The following MRTFA variants were observed in gnomAD, a reference collection of about 807,000 sequenced individuals.
MRTFA encodes myocardin related transcription factor A.
A neutral mutation model predicts 83.5 loss-of-function variants in MRTFA; 20 were observed. The observed-to-expected ratio is 0.24, with a 90% CI of 0.17 to 0.35. The LOEUF (loss-of-function observed/expected upper bound fraction) is 0.35, where lower values mean the gene tolerates loss of function less well. Among genes scored for constraint, MRTFA ranks in the 10% least tolerant of loss-of-function variants. MRTFA has a pLI of 1.00. For synonymous variants in MRTFA, 659 were observed against 541.2 expected, an observed-to-expected ratio of 1.22 and a Z score of -3.02; for missense variants, 1,200 against 1,224.7, an observed-to-expected ratio of 0.98 and a Z score of 0.30.
At position 40,489,971 on chromosome 22, in the gene MRTFA, C is replaced by CAA. The variant is rs55808950; in HGVS notation, c.242-26687_242-26686dup. On this transcript the variant is annotated intron_variant, in intron 3 of 14. Coordinates refer to ENST00000355630, the MANE Select transcript of MRTFA (RefSeq NM_020831.6). ...TGGGAGACAAAGCATGACTCTGTCG[C>CAA]AAAAAAAAAAAAAAAAATCAGAAAA... Among the ~76,000 whole-genome samples, 15 of 105,872 alleles carry CAA rather than the reference C, an allele frequency of 1.4e-4. 4 individuals carry two copies. The highest frequency in any genetic ancestry group is 1.3e-4 in the Non-Finnish European group (7 of 54,642). 69.5% of individuals were successfully genotyped at this position (105,872 alleles called of 152,430 possible). A position where few individuals can be genotyped will look rare whatever the true frequency, so the allele number is the denominator to read the frequency against.
intron 3 of MRTFA, among the ~76,000 whole-genome samples, chr22:40,487,336 T>A (rs1334553414): frequency 1.7e-4 from 26 of 152,232 alleles, no homozygotes; most frequent in Non-Finnish European, 2.9e-5. Context: ...ATTTATATAA[T>A]ACTTTACAAA....
chr22:40,498,331 A>T (rs1373401683), intron 3 of MRTFA, among the ~76,000 whole-genome samples: 1 of 108,904 alleles, frequency 9.2e-6, no homozygotes, highest in Non-Finnish European at 1.7e-5. Context: ...GTAGCTCAGG[A>T]TGGAGTACAG....
intron 2 of MRTFA, 149 bp from the exon 3 acceptor site, chr22:40,552,516 G>C: frequency 2.6e-6 from 1 of 379,518 alleles, no homozygotes; most frequent in Non-Finnish European, 4.7e-6. Flanking sequence ...TGAATCACAG[G>C]GGTGGTTACC....
At chr22:40,561,759 A>T (rs1358026037) in intron 2 of MRTFA, among the ~76,000 whole-genome samples, 2 of 152,198 alleles carry the variant, frequency 1.3e-5, no homozygotes, top group African/African-American at 4.8e-5. Context: ...GATGGTTGCA[A>T]ATTACCTGAC....
chr22:40,420,349 G>T, intron 11 of MRTFA, 56 bp downstream of exon 11: 1 of 1,572,620 alleles, frequency 6.4e-7, no homozygotes, highest in Non-Finnish European at 8.6e-7. Context: ...CACCCAGACA[G>T]CCCCTGTGGG....
intron 4 of MRTFA, among the ~76,000 whole-genome samples, chr22:40,438,430 TC>T (rs1388219117): frequency 3.3e-5 from 5 of 152,108 alleles, no homozygotes; most frequent in African/African-American, 7.2e-5. Flanking sequence ...ACACTGGCTA[TC>T]CCCAAAGGGT....
At chr22:40,446,651 T>C (rs1475818972) in intron 4 of MRTFA, among the ~76,000 whole-genome samples, 1 of 152,148 alleles carries the variant, frequency 6.6e-6, no homozygotes, top group Non-Finnish European at 1.5e-5. Context: ...GCTTATAAAG[T>C]TTCCAGAGAA....
intron 1 of MRTFA, among the ~76,000 whole-genome samples, chr22:40,633,532 G>GAAAGTTTATACCTGTTTAAC (rs1234164666): frequency 9.2e-5 from 14 of 152,194 alleles, no homozygotes; most frequent in Non-Finnish European, 1.8e-4. Flanking sequence ...CACTCTCAAA[G>GAAAGTTTATACCTGTTTAAC]AAAGTTTATA....
intron 2 of MRTFA, chr22:40,569,885 T>C (rs1479233517): frequency 6.4e-6 from 1 of 155,044 alleles, no homozygotes; most frequent in East Asian, 1.9e-4. Flanking sequence ...AAGGCACATT[T>C]CTTGGGAAGA....
chr22:40,441,933 C>G (rs1164440029), intron 4 of MRTFA, among the ~76,000 whole-genome samples: 1 of 151,872 alleles, frequency 6.6e-6, no homozygotes, highest in Non-Finnish European at 1.5e-5. Flanking sequence ...TGTGTGATGA[C>G]AGCGCAGGGG....
chr22:40,569,006 T>A (rs1026956245), intron 2 of MRTFA, among the ~76,000 whole-genome samples: 1 of 152,104 alleles, frequency 6.6e-6, no homozygotes, highest in Non-Finnish European at 1.5e-5. Flanking sequence ...ACCACCTGAA[T>A]GTAATAACTC....
At chr22:40,574,777 T>C (rs1363757087) in intron 2 of MRTFA, among the ~76,000 whole-genome samples, 3 of 152,234 alleles carry the variant, frequency 2.0e-5, no homozygotes, top group East Asian at 3.9e-4. Flanking sequence ...GTGAAGTATA[T>C]GGGAGGATGT....
At chr22:40,552,707 C>A (rs910108195) in intron 2 of MRTFA, among the ~76,000 whole-genome samples, 1 of 152,220 alleles carries the variant, frequency 6.6e-6, no homozygotes, top group Admixed American at 6.5e-5. Flanking sequence ...TCAATTAAAT[C>A]TCTTTCCTTT....
intron 1 of MRTFA, among the ~76,000 whole-genome samples, chr22:40,616,719 A>G (rs1392217086): frequency 6.6e-6 from 1 of 152,144 alleles, no homozygotes; most frequent in Non-Finnish European, 1.5e-5. Context: ...GCAGTAGGAA[A>G]TGAGGATTAA....
At chr22:40,585,072 C>T (rs1016624191) in intron 2 of MRTFA, among the ~76,000 whole-genome samples, 8 of 151,988 alleles carry the variant, frequency 5.3e-5, no homozygotes, top group African/African-American at 1.9e-4. Context: ...AGTCAAGTCT[C>T]TCCTCATATT....
intron 3 of MRTFA, among the ~76,000 whole-genome samples, chr22:40,538,930 T>C (rs938354605): frequency 2.0e-5 from 3 of 151,460 alleles, no homozygotes; most frequent in African/African-American, 4.9e-5. Context: ...TTTGATATGA[T>C]CTACAGTCTC....
rs184335376 is a variant in MRTFA, at chr22:40,434,156, G to T, written c.363+1343C>A. Among the ~76,000 whole-genome samples, 137 of 152,254 alleles carry T rather than the reference G, an allele frequency of 9.0e-4. 1 individual carries two copies. The Middle Eastern group carries it at 0.02, about 23-fold the overall frequency. On this transcript the variant is annotated intron_variant, in intron 5 of 14. Coordinates refer to ENST00000355630, the MANE Select transcript of MRTFA (RefSeq NM_020831.6). ...CTTCTAATCAGCTCTGCTGGTCCCT[G>T]CCTATTTGAGAAGCAGTCAAGTAAA...
chr22:40,543,903 T>C (rs2055326613), intron 3 of MRTFA, among the ~76,000 whole-genome samples: 1 of 152,100 alleles, frequency 6.6e-6, no homozygotes, highest in Non-Finnish European at 1.5e-5. Context: ...AAGAACAAGG[T>C]GGGAGGACTT....
At chr22:40,583,739 A>T (rs1479627124) in intron 2 of MRTFA, among the ~76,000 whole-genome samples, 3 of 152,164 alleles carry the variant, frequency 2.0e-5, no homozygotes, top group Non-Finnish European at 4.4e-5. Flanking sequence ...CACCTTTCTT[A>T]TGAGAATCTA....
Sources: allele counts gnomAD v4.1 joint callset (sites outside exome capture counted in the v4.1 genomes callset), GRCh38; gene constraint gnomAD v4.1.1; transcripts MANE v1.5; gene names NCBI Gene and HGNC (gene_info 2026-07-23, HGNC 2026-07-21).